Variants in CCDC85A observed in about 807,000 individuals in gnomAD.
CCDC85A encodes coiled-coil domain-containing protein 85A.
Under a neutral mutation model 50.2 loss-of-function variants are expected in CCDC85A, and 38 were observed. The observed-to-expected ratio is 0.76, with a 90% confidence interval of 0.58 to 0.99. The LOEUF (loss-of-function observed/expected upper bound fraction) is 0.99. Ranked by LOEUF, CCDC85A falls within the 50% of genes least tolerant of loss-of-function variation. CCDC85A has a pLI of 0.00. For missense variants in CCDC85A, 820 were observed against 742.0 expected (o/e 1.11, Z -1.22); for synonymous variants, 366 against 301.4 (o/e 1.21, Z -2.22).
intron 2 of CCDC85A, among the ~76,000 whole-genome samples, chr2:56,317,338 C>T (rs1022238655): frequency 5.9e-5 from 9 of 152,098 alleles, no homozygotes; most frequent in African/African-American, 9.7e-5. Flanking sequence ...TTAAGGAACA[C>T]GCTCACCCTT....
intron 2 of CCDC85A, among the ~76,000 whole-genome samples, chr2:56,332,119 A>G (rs1489550248): frequency 6.6e-6 from 1 of 152,330 alleles, no homozygotes; most frequent in South Asian, 2.1e-4. Context: ...ACTTCCTTCC[A>G]GTGGGCATAT....
intron 2 of CCDC85A, among the ~76,000 whole-genome samples, chr2:56,231,420 A>G (rs909464438): frequency 6.6e-6 from 1 of 152,190 alleles, no homozygotes; most frequent in Non-Finnish European, 1.5e-5. Flanking sequence ...AACTCACCGT[A>G]ATTAAGTCTA....
chr2:56,320,420 A>T (rs1476641640), intron 2 of CCDC85A, among the ~76,000 whole-genome samples: 1 of 152,168 alleles, frequency 6.6e-6, no homozygotes. Context: ...AAAAGAGAGA[A>T]GAATCAAATA....
chr2:56,333,829 T>A (rs1573283084), intron 2 of CCDC85A, among the ~76,000 whole-genome samples: 2 of 152,240 alleles, frequency 1.3e-5, no homozygotes, highest in Middle Eastern at 6.8e-3. Flanking sequence ...TAAAACTAGG[T>A]CTAAATATAA....
chr2:56,329,945 G>GTTTTTTTTTTTTTTTTTTTTTTTTTTT lies in CCDC85A; in HGVS notation c.1241-12924_1241-12898dup, dbSNP rs535050957. 6.8e-5 allele frequency among the ~76,000 whole-genome samples: 3 copies of GTTTTTTTTTTTTTTTTTTTTTTTTTTT among 44,162 alleles called. 1 individual carries two copies. The highest frequency in any genetic ancestry group is 2.1e-4 in the African/African-American group (3 of 13,966). The allele number at this position is 44,162 out of a possible 152,430, so 29.0% of individuals were successfully genotyped here. A position where few individuals can be genotyped will look rare whatever the true frequency, so the allele number is the denominator to read the frequency against. On this transcript the variant is annotated intron_variant, in intron 2 of 5. Coordinates refer to ENST00000407595, the MANE Select transcript of CCDC85A (RefSeq NM_001080433.2). ...AAAATTTGTTTTTTACAGATTTCCT[G>GTTTTTTTTTTTTTTTTTTTTTTTTTTT]TTTTTTTTTTTTTTTTTTTTTTTTT...
Position 56,192,614 on chromosome 2 carries a change from C to G in CCDC85A, c.414C>G (p.His138Gln). 1 of 1,613,898 alleles carries G rather than the reference C, an allele frequency of 6.2e-7. No individual in the cohort carries two copies. Among genetic ancestry groups the G allele is most frequent in the Non-Finnish European group, 8.5e-7 (1 of 1,179,870 alleles). The change falls in exon 2 of 6, where the codon CAC becomes CAG. Residue 138 changes from histidine (H) to glutamine (Q), a missense_variant. Transcript: ENST00000407595. This position sits in a 1 kb window ranked among gnomAD's most constrained non-coding sequence, Gnocchi z 4.7. ...GTCGCTACACTGCCGGGGTGATGCA[C>G]AAGGAAGTGGCCTTATACCTGCAGA... ...RLGRYTAGVM[H>Q]KEVALYLQKL...
intron 3 of CCDC85A, among the ~76,000 whole-genome samples, chr2:56,360,250 G>A (rs1272900034): frequency 6.6e-6 from 1 of 152,210 alleles, no homozygotes; most frequent in Non-Finnish European, 1.5e-5. Context: ...AGCACTTAAT[G>A]TTTTCAGAAT....
At chr2:56,293,694 AC>A in intron 2 of CCDC85A, among the ~76,000 whole-genome samples, 1 of 152,340 alleles carries the variant, frequency 6.6e-6, no homozygotes, top group Admixed American at 6.5e-5. Flanking sequence ...ACCAACAAAC[AC>A]ATGAAAAAAA....
At chr2:56,198,095 C>T (rs766062596) in intron 2 of CCDC85A, among the ~76,000 whole-genome samples, 9 of 152,126 alleles carry the variant, frequency 5.9e-5, no homozygotes, top group East Asian at 5.8e-4. Flanking sequence ...AATGAGTAAA[C>T]GAAAAATGTT....
At chr2:56,337,787 T>A (rs1674148780) in intron 2 of CCDC85A, among the ~76,000 whole-genome samples, 1 of 151,802 alleles carries the variant, frequency 6.6e-6, no homozygotes, top group Non-Finnish European at 1.5e-5. Context: ...GCTCCTTTTT[T>A]TTTTCTTTTT....
At chr2:56,294,453 A>T (rs2216331) in intron 2 of CCDC85A, among the ~76,000 whole-genome samples, 13,550 of 152,234 alleles carry the variant, frequency 0.089, 892 homozygotes, top group East Asian at 0.32. Context: ...TAAAATTTTT[A>T]AAAAATCAGA....
intron 2 of CCDC85A, 109 bp from the exon 3 acceptor site, chr2:56,342,770 C>T: frequency 1.8e-6 from 1 of 562,140 alleles, no homozygotes; most frequent in Non-Finnish European, 3.0e-6. Context: ...TTTTAAATAA[C>T]AGACTAAATA....
At chr2:56,313,785 C>T (rs1250409586) in intron 2 of CCDC85A, among the ~76,000 whole-genome samples, 1 of 149,332 alleles carries the variant, frequency 6.7e-6, no homozygotes, top group Admixed American at 6.6e-5. Flanking sequence ...GCTCAGTGGG[C>T]AGCAGAAGGA....
intron 2 of CCDC85A, among the ~76,000 whole-genome samples, chr2:56,265,327 T>C (rs1670391157): frequency 6.6e-6 from 1 of 152,216 alleles, no homozygotes; most frequent in Non-Finnish European, 1.5e-5. Flanking sequence ...TTAACACAGC[T>C]ACCTGTTAAG....
At chr2:56,374,900 A>C (rs76700681) in intron 4 of CCDC85A, among the ~76,000 whole-genome samples, 4,656 of 152,332 alleles carry the variant, frequency 0.031, 218 homozygotes, top group African/African-American at 0.11. Context: ...GATAGAATCA[A>C]CTTGAATGGA....
intron 2 of CCDC85A, among the ~76,000 whole-genome samples, chr2:56,332,876 T>C (rs1212635335): frequency 1.3e-5 from 2 of 152,204 alleles, no homozygotes; most frequent in Non-Finnish European, 2.9e-5. Context: ...AATTAGGCCC[T>C]ATTTAAATAC....
intron 2 of CCDC85A, among the ~76,000 whole-genome samples, chr2:56,279,407 C>T (rs1383198415): frequency 6.6e-6 from 1 of 152,036 alleles, no homozygotes; most frequent in African/African-American, 2.4e-5. Context: ...CATTAATAGT[C>T]ATTCCTTATT....
chr2:56,202,296 A>G (rs75347684), intron 2 of CCDC85A, among the ~76,000 whole-genome samples: 17 of 152,316 alleles, frequency 1.1e-4, no homozygotes, highest in Non-Finnish European at 1.8e-4. Context: ...TCACAGCTGG[A>G]TGGACAACTA....
chr2:56,297,676 TTTAA>T (rs1320217976), intron 2 of CCDC85A, among the ~76,000 whole-genome samples: 1 of 152,124 alleles, frequency 6.6e-6, no homozygotes, highest in Non-Finnish European at 1.5e-5. Context: ...GTCAGTAAAG[TTTAA>T]TAACAAAGGG....
Sources: gnomAD v4.1 joint callset for allele counts (sites outside exome capture counted in the v4.1 genomes callset) on GRCh38, gnomAD v4.1.1 for gene constraint, Gnocchi (gnomAD v3.1) non-coding constraint, MANE v1.5 for transcripts, NCBI Gene and HGNC (gene_info 2026-07-23, HGNC 2026-07-21) for gene names.